DTWD1: variants seen among roughly 807,000 people sequenced by gnomAD.
The protein encoded by DTWD1 is tRNA-uridine aminocarboxypropyltransferase 1.
A neutral mutation model predicts 30.2 loss-of-function variants in DTWD1; 27 were observed. The ratio of observed to expected loss-of-function variants is 0.90; its 90% confidence interval spans 0.66 to 1.23. The LOEUF (loss-of-function observed/expected upper bound fraction) is 1.23, where lower values mean the gene tolerates loss of function less well. DTWD1 is among the 50% of genes most tolerant of loss of function. DTWD1 has a pLI of 0.00. For synonymous variants in DTWD1, 99 were observed against 113.1 expected, an observed-to-expected ratio of 0.88 and a Z score of 0.79; for missense variants, 342 against 348.8, an observed-to-expected ratio of 0.98 and a Z score of 0.15.
chr15:49,622,937 A>G (rs1218902434), intron 1 of DTWD1, among the ~76,000 whole-genome samples: 2 of 152,212 alleles, frequency 1.3e-5, no homozygotes, highest in Non-Finnish European at 2.9e-5. Flanking sequence ...ATAAAGCTTC[A>G]CTAATATCCA....
intron 2 of DTWD1, among the ~76,000 whole-genome samples, chr15:49,630,298 T>C (rs1408518399): frequency 1.3e-5 from 2 of 152,198 alleles, no homozygotes; most frequent in East Asian, 3.9e-4. Context: ...TATTAGATTG[T>C]ACACTTTAAA....
chr15:49,623,361 C>T (rs533713257), intron 1 of DTWD1, among the ~76,000 whole-genome samples: 1 of 152,082 alleles, frequency 6.6e-6, no homozygotes, highest in African/African-American at 2.4e-5. Context: ...GTATGTGCAG[C>T]AAAGAGACGC....
At position 49,634,211 on chromosome 15, in the gene DTWD1, C is replaced by T. The variant is rs564857485; in HGVS notation, c.409-325C>T. The stretch of plus-strand genomic sequence containing the variant: ...TGAACAGTTTTCAGTGGTTCTTTTA[C>T]GAAGTATCATGTACTTTGCTTTTTA... On this transcript the variant is annotated intron_variant, in intron 3 of 4. Transcript: ENST00000403028. Among the ~76,000 whole-genome samples, 187 of 152,142 alleles carry T rather than the reference C, an allele frequency of 1.2e-3. 1 individual carries two copies. Among genetic ancestry groups the T allele is most frequent in the African/African-American group, 4.2e-3 (176 of 41,528 alleles).
rs2078826057 is a variant in DTWD1 at position 49,625,268 on chromosome 15, A to T, written c.101A>T (p.Asp34Val). The change falls in exon 2 of 5, where the codon GAT (aspartate) becomes GTT (valine). Residue 34 changes from aspartate (D) to valine (V), a missense_variant. Coordinates refer to ENST00000403028, the MANE Select transcript of DTWD1 (RefSeq NM_001144955.2). ...CAAACTACTTCCATAGCTTCAGAAGATCCCCTTCAAAACTTATGTTTAGCA... is the reference window on the plus strand; with the variant it reads ...CAAACTACTTCCATAGCTTCAGAAGTTCCCCTTCAAAACTTATGTTTAGCA... ...QSQTTSIASE[D>V]PLQNLCLASQ... The T allele has an allele frequency of 3.7e-6, 6 of 1,613,666 alleles. No individual in the cohort carries two copies. Among genetic ancestry groups the T allele is most frequent in the East Asian group, 2.2e-5 (1 of 44,806 alleles).
Position 49,655,856 on chromosome 15 carries a change from A to G in DTWD1, c.*12278A>G, listed in dbSNP as rs765596626. On this transcript the variant is annotated 3_prime_UTR_variant, in exon 5 of 5. Transcript: ENST00000403028. Reference sequence around the variant, plus strand: ...TTCAAGAGTATTCTAGGTATGCACTAAGTTTATGGGAAGATATGCCATCTA... The same window carrying G: ...TTCAAGAGTATTCTAGGTATGCACTGAGTTTATGGGAAGATATGCCATCTA... The G allele has an allele frequency of 3.3e-5, 5 of 152,056 alleles. No individual in the cohort carries two copies. Among genetic ancestry groups the G allele is most frequent in the Non-Finnish European group, 7.4e-5 (5 of 68,000 alleles). 9.4% of individuals were successfully genotyped at this position (152,056 alleles called of 1,614,324 possible). A position where few individuals can be genotyped will look rare whatever the true frequency, so the allele number is the denominator to read the frequency against.
intron 4 of DTWD1, among the ~76,000 whole-genome samples, chr15:49,640,629 AT>A (rs1408397906): frequency 2.0e-5 from 3 of 152,052 alleles, no homozygotes; most frequent in African/African-American, 7.2e-5. Context: ...CCAACCTAGT[AT>A]TTTAAAATGG....
chr15:49,643,086 A>T (rs184294930), intron 4 of DTWD1, among the ~76,000 whole-genome samples: 33 of 152,168 alleles, frequency 2.2e-4, no homozygotes, highest in African/African-American at 7.9e-4. Context: ...TTGGTCTAAG[A>T]CTCAGTGTTA....
In DTWD1 at chr15:49,640,316, A is replaced by G. The variant is rs192487632; in HGVS notation, c.668-3015A>G. 1.7e-3 allele frequency among the ~76,000 whole-genome samples: 260 copies of G among 152,254 alleles called. 1 individual carries two copies. Among genetic ancestry groups the G allele is most frequent in the Admixed American group, 2.9e-3 (45 of 15,286 alleles). ...GTTTATTCTATTTCACTGCTGAATA[A>G]TATCTGTGATATACTACAGTTTATC... is the stretch of plus-strand genomic sequence containing the variant. On this transcript the variant is annotated intron_variant, in intron 4 of 4. Transcript: ENST00000403028.
intron 4 of DTWD1, among the ~76,000 whole-genome samples, chr15:49,640,759 T>C (rs879768095): frequency 6.6e-6 from 1 of 152,112 alleles, no homozygotes; most frequent in Non-Finnish European, 1.5e-5. Context: ...TTTTTCTGTG[T>C]TTTATCTTAA....
intron 4 of DTWD1, among the ~76,000 whole-genome samples, chr15:49,636,884 T>C (rs1186309895): frequency 6.6e-6 from 1 of 152,288 alleles, no homozygotes; most frequent in African/African-American, 2.4e-5. Context: ...AAAGTGGTGA[T>C]TACCCCATCT....
intron 2 of DTWD1, 85 bp downstream of exon 2, chr15:49,625,516 TA>T: frequency 2.4e-6 from 3 of 1,229,442 alleles, no homozygotes; most frequent in Non-Finnish European, 3.4e-6. Flanking sequence ...TTGATAAACT[TA>T]ATAAATAATG....
At chr15:49,622,957 G>A (rs2078788064) in intron 1 of DTWD1, among the ~76,000 whole-genome samples, 1 of 152,192 alleles carries the variant, frequency 6.6e-6, no homozygotes, top group South Asian at 2.1e-4. Flanking sequence ...ATTTAGTTAT[G>A]TGGATAGCAG....
At position 49,634,601 on chromosome 15, in the gene DTWD1, A is replaced by C; in HGVS notation, c.474A>C (p.Lys158Asn). 6.2e-7 allele frequency: 1 copy of C among 1,613,782 alleles called. No individual in the cohort carries two copies. Among genetic ancestry groups the C allele is most frequent in the Non-Finnish European group, 8.5e-7 (1 of 1,179,848 alleles). Residue 158 changes from lysine (K) to asparagine (N), a missense_variant, in exon 4 of 5, where the codon AAA becomes AAC. Physicochemically the swap from Lys to Asn is moderately conservative, Grantham distance 94. Coordinates refer to ENST00000403028, the MANE Select transcript of DTWD1 (RefSeq NM_001144955.2). ...AAGATATTTCTTTTCATCTGCAAAA[A>C]AGGATTCAAAATAATGTTAGAGGCA... Reference protein sequence around the residue: ...SIKDISFHLQKRIQNNVRGKN... With the variant: ...SIKDISFHLQNRIQNNVRGKN...
chr15:49,650,814 CT>C lies in DTWD1; in HGVS notation c.*7238del, dbSNP rs2079148339. On this transcript the variant is annotated 3_prime_UTR_variant, in exon 5 of 5. Transcript: ENST00000403028. Reference sequence around the variant, plus strand: ...CTTCTGCCCAATCCTGCTTCCTCCCCTTCCCCTGAAAGGTGACACTTTCTAA... The same window carrying C: ...CTTCTGCCCAATCCTGCTTCCTCCCCTCCCCTGAAAGGTGACACTTTCTAA... The C allele has an allele frequency of 6.6e-6, 1 of 152,216 alleles. No homozygotes were observed. Among genetic ancestry groups the C allele is most frequent in the Admixed American group, 6.6e-5 (1 of 15,262 alleles). 9.4% of individuals were successfully genotyped at this position (152,216 alleles called of 1,614,324 possible).
intron 3 of DTWD1, chr15:49,633,604 G>A (rs1369602679): frequency 3.5e-6 from 1 of 285,430 alleles, no homozygotes; most frequent in Non-Finnish European, 7.0e-6. Flanking sequence ...CAAAGTGCCG[G>A]GATTACAGGT....
rs1204696517 is a variant in DTWD1, at chr15:49,644,244, TAGTA to T, written c.*670_*673del. The T allele has an allele frequency of 1.3e-5, 2 of 152,190 alleles. No individual in the cohort carries two copies. Among genetic ancestry groups the T allele is most frequent in the Non-Finnish European group, 2.9e-5 (2 of 68,026 alleles). 9.4% of individuals were successfully genotyped at this position (152,190 alleles called of 1,614,324 possible). A position where few individuals can be genotyped will look rare whatever the true frequency, so the allele number is the denominator to read the frequency against. ...GGGGCTTTCAGCAGTACCTGAAATATAGTAAGTGTTACATATATGTTTACTCTTT... is the reference window on the plus strand; with the variant it reads ...GGGGCTTTCAGCAGTACCTGAAATATAGTGTTACATATATGTTTACTCTTT... On this transcript the variant is annotated 3_prime_UTR_variant, in exon 5 of 5. Coordinates refer to ENST00000403028, the MANE Select transcript of DTWD1 (RefSeq NM_001144955.2).
At chr15:49,636,210 C>T (rs1014542355) in intron 4 of DTWD1, among the ~76,000 whole-genome samples, 3 of 151,456 alleles carry the variant, frequency 2.0e-5, no homozygotes, top group Admixed American at 6.6e-5. Flanking sequence ...AGTAGTATTT[C>T]GTTGTATGGA....
chr15:49,626,675 G>T, intron 2 of DTWD1: 1 of 370,318 alleles, frequency 2.7e-6, no homozygotes. Context: ...TTGTTTTGAT[G>T]ATTTTAAAGT....
intron 1 of DTWD1, among the ~76,000 whole-genome samples, chr15:49,623,265 C>G (rs1398904473): frequency 6.6e-6 from 1 of 152,156 alleles, no homozygotes; most frequent in Non-Finnish European, 1.5e-5. Flanking sequence ...TAACTCAGGA[C>G]TATTAAAGCC....
Sources: allele counts gnomAD v4.1 joint callset (sites outside exome capture counted in the v4.1 genomes callset), GRCh38; gene constraint gnomAD v4.1.1; transcripts MANE v1.5; gene names NCBI Gene and HGNC (gene_info 2026-07-23, HGNC 2026-07-21).